The following TEAD1 variants were observed in gnomAD, a reference collection of about 807,000 sequenced individuals.
The protein encoded by TEAD1 is transcriptional enhancer factor TEF-1.
Under a neutral mutation model 54.9 loss-of-function variants are expected in TEAD1, and 9 were observed. The ratio of observed to expected loss-of-function variants is 0.16; its 90% CI spans 0.10 to 0.29. The LOEUF (loss-of-function observed/expected upper bound fraction) is 0.29. TEAD1 is among the 10% of genes least tolerant of loss of function. The pLI, the probability that TEAD1 is intolerant of heterozygous loss-of-function variation, is 1.00. For missense variants in TEAD1, 387 were observed against 535.9 expected (o/e 0.72, Z 2.74); for synonymous variants, 200 against 187.8 (o/e 1.07, Z -0.53).
chr11:12,698,024 A>G (rs1943623391), intron 2 of TEAD1, among the ~76,000 whole-genome samples: 1 of 148,274 alleles, frequency 6.7e-6, no homozygotes, highest in Non-Finnish European at 1.5e-5. Flanking sequence ...CTCCGTCTCA[A>G]AAAAAAAAAA....
intron 3 of TEAD1, among the ~76,000 whole-genome samples, chr11:12,839,705 G>A (rs1015150765): frequency 3.3e-5 from 5 of 152,156 alleles, no homozygotes; most frequent in Non-Finnish European, 5.9e-5. Context: ...CACGACCAGG[G>A]AATCACTAAC....
At chr11:12,857,695 C>G (rs1947419175) in intron 3 of TEAD1, among the ~76,000 whole-genome samples, 1 of 151,644 alleles carries the variant, frequency 6.6e-6, no homozygotes, top group African/African-American at 2.4e-5. Flanking sequence ...TGCTGCTTAT[C>G]TTCTGGCCCT....
At chr11:12,817,618 C>A (rs1366538961) in intron 3 of TEAD1, among the ~76,000 whole-genome samples, 2 of 152,054 alleles carry the variant, frequency 1.3e-5, no homozygotes, top group Non-Finnish European at 2.9e-5. Flanking sequence ...AAAAGCTTTT[C>A]ATAGTAATAT....
intron 3 of TEAD1, chr11:12,849,573 C>T (rs899157578): frequency 2.6e-5 from 4 of 152,302 alleles, no homozygotes; most frequent in African/African-American, 9.6e-5. Flanking sequence ...GCCATTTTGA[C>T]TTAATGCTTG....
At position 12,942,208 on chromosome 11, in the gene TEAD1, A is replaced by G. The variant is rs1468488218; in HGVS notation, c.*4986A>G. ...ACTTAGCTATTTGTGAATCTTCTGCACTCTAGCATGAAAGTGCCTTTGGTT... is the reference window on the plus strand; with the variant it reads ...ACTTAGCTATTTGTGAATCTTCTGCGCTCTAGCATGAAAGTGCCTTTGGTT... On this transcript the variant is annotated 3_prime_UTR_variant, in exon 13 of 13. Coordinates refer to ENST00000527636, the MANE Select transcript of TEAD1 (RefSeq NM_021961.6). 2.0e-5 allele frequency: 3 copies of G among 152,636 alleles called. No individual in the cohort carries two copies. The highest frequency in any genetic ancestry group is 7.2e-5 in the African/African-American group (3 of 41,456). The allele number at this position is 152,636 out of a possible 1,614,324, so 9.5% of individuals were successfully genotyped here. A position where few individuals can be genotyped will look rare whatever the true frequency, so the allele number is the denominator to read the frequency against.
intron 3 of TEAD1, among the ~76,000 whole-genome samples, chr11:12,861,226 T>A (rs1947493974): frequency 6.6e-6 from 1 of 152,248 alleles, no homozygotes; most frequent in Non-Finnish European, 1.5e-5. Flanking sequence ...GGTAATACAT[T>A]CTCTGCTTAG....
At chr11:12,901,163 T>A (rs546866634) in intron 9 of TEAD1, among the ~76,000 whole-genome samples, 145 of 152,302 alleles carry the variant, frequency 9.5e-4, no homozygotes, top group African/African-American at 3.4e-3. Flanking sequence ...AACCATTGGT[T>A]TGGACACACT....
chr11:12,745,439 G>A (rs905898137), intron 2 of TEAD1, among the ~76,000 whole-genome samples: 15 of 152,180 alleles, frequency 9.9e-5, no homozygotes, highest in Admixed American at 9.8e-4. Context: ...CACTCCACTG[G>A]TGATAAGTTC....
intron 3 of TEAD1, among the ~76,000 whole-genome samples, chr11:12,847,948 T>G (rs1295275944): frequency 6.6e-6 from 1 of 152,158 alleles, no homozygotes; most frequent in Non-Finnish European, 1.5e-5. Context: ...GGCCACTGCT[T>G]TCTCTGTCGT....
At chr11:12,711,968 A>C (rs1447302867) in intron 2 of TEAD1, among the ~76,000 whole-genome samples, 3 of 151,312 alleles carry the variant, frequency 2.0e-5, no homozygotes, top group African/African-American at 7.3e-5. Context: ...TCTCTTCTCT[A>C]CTCCTCTTCT....
At chr11:12,902,376 A>C (rs928961415) in intron 10 of TEAD1, among the ~76,000 whole-genome samples, 1 of 152,230 alleles carries the variant, frequency 6.6e-6, no homozygotes, top group African/African-American at 2.4e-5. Flanking sequence ...CTTCACTTAA[A>C]TTCCCGGAGC....
At chr11:12,779,360 G>A (rs1213765130) in intron 3 of TEAD1, among the ~76,000 whole-genome samples, 1 of 152,150 alleles carries the variant, frequency 6.6e-6, no homozygotes, top group Non-Finnish European at 1.5e-5. Context: ...TAGCCTATGG[G>A]AGTAAGTTCT....
At chr11:12,828,580 G>T (rs1435127243) in intron 3 of TEAD1, among the ~76,000 whole-genome samples, 1 of 150,448 alleles carries the variant, frequency 6.6e-6, no homozygotes, top group Non-Finnish European at 1.5e-5. Context: ...TGTTTGAGTT[G>T]AATTTCTTAA....
At chr11:12,709,860 A>T (rs1943897497) in intron 2 of TEAD1, among the ~76,000 whole-genome samples, 1 of 152,022 alleles carries the variant, frequency 6.6e-6, no homozygotes, top group South Asian at 2.1e-4. Flanking sequence ...GCTGATCAGC[A>T]TGGGCCCCTT....
intron 2 of TEAD1, among the ~76,000 whole-genome samples, chr11:12,757,768 TTTTTTTA>T (rs1361434393): frequency 1.8e-4 from 28 of 152,182 alleles, no homozygotes; most frequent in Admixed American, 4.6e-4. Flanking sequence ...TGGTTCATTC[TTTTTTTA>T]TTTTTTATTT....
At chr11:12,918,897 G>A (rs1948759734) in intron 10 of TEAD1, among the ~76,000 whole-genome samples, 1 of 152,158 alleles carries the variant, frequency 6.6e-6, no homozygotes, top group South Asian at 2.1e-4. Context: ...AAACCCTGTT[G>A]CACTTGCTTA....
chr11:12,799,017 A>T (rs1195654176), intron 3 of TEAD1, among the ~76,000 whole-genome samples: 1 of 152,238 alleles, frequency 6.6e-6, no homozygotes, highest in East Asian at 1.9e-4. Context: ...AACACTTGGT[A>T]TCTGTTCACT....
At chr11:12,913,593 T>C (rs1948656404) in intron 10 of TEAD1, among the ~76,000 whole-genome samples, 1 of 150,558 alleles carries the variant, frequency 6.6e-6, no homozygotes, top group African/African-American at 2.4e-5. Flanking sequence ...CAGTTTTTAT[T>C]CTCTGTGGTA....
At position 12,941,821 on chromosome 11, in the gene TEAD1, T is replaced by C. The variant is rs1344333467; in HGVS notation, c.*4599T>C. The C allele has an allele frequency of 6.6e-6, 1 of 152,660 alleles. No homozygotes were observed. The allele number at this position is 152,660 out of a possible 1,614,324, so 9.5% of individuals were successfully genotyped here. On this transcript the variant is annotated 3_prime_UTR_variant, in exon 13 of 13. Transcript: ENST00000527636. ...AAGCTGGAAGCATTTCTCTTACTAC[T>C]GTTACTTTTGTAGGAAGTTTTCAAT...
Sources: allele counts gnomAD v4.1 joint callset (sites outside exome capture counted in the v4.1 genomes callset), GRCh38; gene constraint gnomAD v4.1.1; transcripts MANE v1.5; gene names NCBI Gene and HGNC (gene_info 2026-07-23, HGNC 2026-07-21).